The following KLC1 variants were observed in gnomAD, a reference collection of about 807,000 sequenced individuals.
KLC1 encodes kinesin 2 60/70kDa.
In KLC1, 30 loss-of-function variants were observed where a neutral mutation model predicts 84.2. That is an observed-to-expected ratio of 0.36 (90% CI 0.27 to 0.48). KLC1 has a LOEUF of 0.48. Ranked by LOEUF, KLC1 falls within the 20% of genes least tolerant of loss-of-function variation. The pLI, the probability that KLC1 is intolerant of heterozygous loss-of-function variation, is 0.99. For synonymous variants in KLC1, 289 were observed against 293.3 expected (o/e 0.99, Z 0.15); for missense variants, 499 against 805.4 (o/e 0.62, Z 4.60).
chr14:103,701,205 C>T lies in KLC1; in HGVS notation c.*6C>T, dbSNP rs1353954156. ...ACCTTCTATCTTCTCTTGCAGTGAC[C>T]CCGACCTGGCCCCGCTCCAGGATGG... On this transcript the variant is annotated 3_prime_UTR_variant, in exon 17 of 17. Transcript: ENST00000334553. 9 of 1,550,712 alleles carry T rather than the reference C, an allele frequency of 5.8e-6. No homozygotes were observed. The African/African-American group carries it at 6.8e-5, about 12-fold the overall frequency.
Position 103,662,870 on chromosome 14 carries a change from C to G in KLC1, c.740C>G (p.Ser247Ter). 6.2e-7 allele frequency: 1 copy of G among 1,613,862 alleles called. No homozygotes were observed. Among genetic ancestry groups the G allele is most frequent in the Non-Finnish European group, 8.5e-7 (1 of 1,179,990 alleles). The stretch of plus-strand genomic sequence containing the variant: ...GCCCTGGAGGACCTGGAGAAGACTT[C>G]AGGACACGACCACCCGGACGTGGCC... ...KQALEDLEKT[S>*]GHDHPDVATM... Residue 247 changes from serine (S) to a stop codon, truncating the protein, a stop_gained, in exon 5 of 17, where the codon TCA becomes TGA. Transcript: ENST00000334553. LOFTEE classifies it high-confidence loss of function.
chr14:103,642,534 AT>A (rs1428380958), intron 1 of KLC1, among the ~76,000 whole-genome samples: 2 of 152,132 alleles, frequency 1.3e-5, no homozygotes, highest in Non-Finnish European at 2.9e-5. Context: ...TTCTGATTCC[AT>A]TGTACCAAAA....
chr14:103,684,546 C>T (rs1172029391), intron 13 of KLC1, among the ~76,000 whole-genome samples: 2 of 152,186 alleles, frequency 1.3e-5, no homozygotes, highest in Non-Finnish European at 2.9e-5. Flanking sequence ...GGGGCAGACC[C>T]GCTCCACTGC....
chr14:103,685,719 C>T, intron 13 of KLC1: 2 of 1,289,402 alleles, frequency 1.6e-6, no homozygotes, highest in Non-Finnish European at 2.0e-6. Context: ...TCCAGTGCTG[C>T]CCGCTGTGTC....
intron 1 of KLC1, among the ~76,000 whole-genome samples, chr14:103,632,242 A>G (rs1289983576): frequency 1.3e-5 from 2 of 152,086 alleles, no homozygotes; most frequent in East Asian, 1.9e-4. Flanking sequence ...CCTGGCCAAC[A>G]TGGTGAAACC....
chr14:103,643,977 A>T (rs1228263934), intron 1 of KLC1, among the ~76,000 whole-genome samples: 1 of 152,074 alleles, frequency 6.6e-6, no homozygotes, highest in Non-Finnish European at 1.5e-5. Context: ...GCACTTTGAG[A>T]GGCCGAGGCA....
intron 2 of KLC1, among the ~76,000 whole-genome samples, chr14:103,656,885 C>T (rs2078877444): frequency 6.6e-6 from 1 of 152,216 alleles, no homozygotes; most frequent in African/African-American, 2.4e-5. Context: ...TGCCAGCCAG[C>T]TCCTAGCTGT....
chr14:103,684,443 C>T (rs2081614582), intron 13 of KLC1, among the ~76,000 whole-genome samples: 1 of 152,178 alleles, frequency 6.6e-6, no homozygotes, highest in South Asian at 2.1e-4. Flanking sequence ...GGAAATCTGC[C>T]TGGGCCAGGG....
At chr14:103,698,816 A>G (rs2082805666) in intron 15 of KLC1, 1 of 1,601,746 alleles carries the variant, frequency 6.2e-7, no homozygotes, top group Non-Finnish European at 8.5e-7. Flanking sequence ...ACTGGGTCCC[A>G]GGTGTCCCTC....
chr14:103,650,598 TG>T (rs1356804007), intron 1 of KLC1, among the ~76,000 whole-genome samples: 4 of 151,270 alleles, frequency 2.6e-5, no homozygotes, highest in Admixed American at 1.3e-4. Context: ...TTTTTTTTTT[TG>T]AGATGGAGTC....
intron 15 of KLC1, chr14:103,696,190 A>C: frequency 1.0e-6 from 1 of 979,112 alleles, no homozygotes; most frequent in Non-Finnish European, 1.2e-6. Flanking sequence ...CGGACAGCAT[A>C]TCTCTGGGTA....
chr14:103,664,172 G>C (rs183407173), intron 5 of KLC1, among the ~76,000 whole-genome samples: 10 of 152,036 alleles, frequency 6.6e-5, no homozygotes, highest in Non-Finnish European at 1.3e-4. Context: ...TTTTTTTTGA[G>C]ACAGAGTCTG....
intron 13 of KLC1, chr14:103,686,867 C>T: frequency 4.4e-6 from 1 of 226,798 alleles, no homozygotes; most frequent in Non-Finnish European, 8.7e-6. Flanking sequence ...TTTTCATGAT[C>T]ATTGGATTAT....
At chr14:103,679,584 G>T (rs570917209) in intron 13 of KLC1, 39 bp downstream of exon 13, 1 of 1,532,408 alleles carries the variant, frequency 6.5e-7, no homozygotes, top group Non-Finnish European at 9.0e-7. Context: ...TCCGGGAGGC[G>T]CCCCCAAGTG....
intron 13 of KLC1, chr14:103,684,928 C>T (rs1017532106): frequency 9.2e-6 from 7 of 756,844 alleles, no homozygotes; most frequent in African/African-American, 8.6e-5. Context: ...CTTATGTTTT[C>T]TTGTCCTCCC....
At chr14:103,653,037 A>AT (rs1292031971) in intron 1 of KLC1, among the ~76,000 whole-genome samples, 1 of 152,162 alleles carries the variant, frequency 6.6e-6, no homozygotes, top group Non-Finnish European at 1.5e-5. Flanking sequence ...TCTTCCCTTC[A>AT]TGCAGCGTCT....
chr14:103,641,464 A>C (rs1359123910), intron 1 of KLC1, among the ~76,000 whole-genome samples: 2 of 152,136 alleles, frequency 1.3e-5, no homozygotes, highest in Admixed American at 1.3e-4. Flanking sequence ...TGGAGGCTGG[A>C]AGTCTGGGAT....
At chr14:103,632,964 C>G (rs373483662) in intron 1 of KLC1, among the ~76,000 whole-genome samples, 2 of 151,856 alleles carry the variant, frequency 1.3e-5, no homozygotes, top group South Asian at 4.1e-4. Context: ...GGGAAGGGGA[C>G]ATGGGAGTGA....
At chr14:103,629,898 C>T (rs1380613497) in intron 1 of KLC1, among the ~76,000 whole-genome samples, 1 of 152,116 alleles carries the variant, frequency 6.6e-6, no homozygotes, top group Non-Finnish European at 1.5e-5. Context: ...GAACCCGCGA[C>T]AGGGGAGGTG....
Sources: allele counts gnomAD v4.1 joint callset (sites outside exome capture counted in the v4.1 genomes callset), GRCh38; gene constraint gnomAD v4.1.1; transcripts MANE v1.5; gene names NCBI Gene and HGNC (gene_info 2026-07-23, HGNC 2026-07-21).